The following CRTC1 variants were observed in gnomAD, a reference collection of about 807,000 sequenced individuals.
CRTC1 encodes CREB regulated transcription coactivator 1, also known as CREB-regulated transcription coactivator 1.
A neutral mutation model predicts 66.1 loss-of-function variants in CRTC1; 18 were observed. The observed-to-expected ratio is 0.27, with a 90% CI of 0.19 to 0.40. CRTC1 has a LOEUF of 0.40. Ranked by LOEUF, CRTC1 falls within the 10% of genes least tolerant of loss-of-function variation. CRTC1 has a pLI of 1.00. For missense variants in CRTC1, 669 were observed against 887.9 expected, an observed-to-expected ratio of 0.75 and a Z score of 3.13; for synonymous variants, 416 against 398.8, an observed-to-expected ratio of 1.04 and a Z score of -0.51.
intron 2 of CRTC1, among the ~76,000 whole-genome samples, chr19:18,744,487 CACAA>C (rs1014316295): frequency 6.1e-4 from 86 of 140,672 alleles, no homozygotes; most frequent in African/African-American, 1.1e-3. Context: ...TACACACACA[CACAA>C]ACACACACAC....
intron 11 of CRTC1, among the ~76,000 whole-genome samples, chr19:18,773,533 C>T (rs915614962): frequency 5.3e-5 from 8 of 152,210 alleles, no homozygotes; most frequent in African/African-American, 1.9e-4. Context: ...CCACCCCACA[C>T]CCCGAGCCCC....
chr19:18,697,072 G>C (rs1282939338), intron 1 of CRTC1, among the ~76,000 whole-genome samples: 2 of 152,110 alleles, frequency 1.3e-5, no homozygotes, highest in Non-Finnish European at 2.9e-5. Context: ...GTTCTTCTGG[G>C]TGTGGCTGTG....
intron 7 of CRTC1, among the ~76,000 whole-genome samples, 189 bp downstream of exon 7, chr19:18,759,780 C>A (rs112689601): frequency 6.6e-6 from 1 of 152,246 alleles, no homozygotes; most frequent in African/African-American, 2.4e-5. Flanking sequence ...ATGCCCTCTC[C>A]TGGGTTCAGG....
At chr19:18,709,324 G>A (rs932911545) in intron 1 of CRTC1, among the ~76,000 whole-genome samples, 3 of 152,080 alleles carry the variant, frequency 2.0e-5, no homozygotes, top group African/African-American at 7.2e-5. Flanking sequence ...TCCCCTCATG[G>A]TGCCTTTTTA....
rs572475067 is a variant in CRTC1 at position 18,776,822 on chromosome 19, GCCGAGCAGC to G, written c.1694-346_1694-338del. ...TCCAGCCTGCTTCTCAGTGACTCGT[GCCGAGCAGC>G]CCTCATGGCTGAGGGAGCCGGGGAG... On this transcript the variant is annotated intron_variant, in intron 13 of 13. Coordinates refer to ENST00000321949, the MANE Select transcript of CRTC1 (RefSeq NM_015321.3). Among the ~76,000 whole-genome samples, 37 of 152,354 alleles carry G rather than the reference GCCGAGCAGC, an allele frequency of 2.4e-4. No homozygotes were observed. The South Asian group carries it at 7.2e-3, about 30-fold the overall frequency.
At position 18,768,512 on chromosome 19, in the gene CRTC1, G is replaced by C; in HGVS notation, c.1039G>C (p.Glu347Gln). ...QAVAMDALSL[E>Q]QQLPYAFFTQ... ...TGTAGCCATGGACGCCCTGTCTCTG[G>C]AGCAGCAGCTGCCCTACGCCTTCTT... Residue 347 changes from glutamate to glutamine, a missense_variant, in exon 10 of 14, where the codon GAG (glutamate) becomes CAG (glutamine). Transcript: ENST00000321949. The surrounding 1 kb of genome is among the most constrained non-coding windows in gnomAD (Gnocchi z 5.6). 2.5e-6 allele frequency: 4 copies of C among 1,609,818 alleles called. No individual in the cohort carries two copies. In the East Asian group the frequency reaches 8.9e-5, roughly 36 times the overall value.
rs866112266 is a variant in CRTC1 at position 18,760,219 on chromosome 19, G to T, written c.877G>T (p.Ala293Ser). The T allele has an allele frequency of 3.8e-6, 6 of 1,599,964 alleles. No homozygotes were observed. Among genetic ancestry groups the T allele is most frequent in the Non-Finnish European group, 5.1e-6 (6 of 1,174,234 alleles). ...CCTGACGCACCTGGGCATCGGTGGC[G>T]CCGGCCAGGGTAAGGCAGGGACACT... is the stretch of plus-strand genomic sequence containing the variant. ...ANLTHLGIGGAGQGMSTPGSS... is the reference protein window; with the variant it reads ...ANLTHLGIGGSGQGMSTPGSS... The change falls in exon 8 of 14, where the codon GCC becomes TCC. Residue 293 changes from alanine to serine, a missense_variant. This residue lies in a region of CRTC1 where 241 missense variants were observed against 242.2 expected (regional missense o/e 0.99). Coordinates refer to ENST00000321949, the MANE Select transcript of CRTC1 (RefSeq NM_015321.3). This position sits in a 1 kb window ranked among gnomAD's most constrained non-coding sequence, Gnocchi z 6.2.
intron 1 of CRTC1, among the ~76,000 whole-genome samples, chr19:18,739,576 T>C (rs112219063): frequency 0.023 from 3,530 of 152,298 alleles, 168 homozygotes; most frequent in African/African-American, 0.081. Flanking sequence ...CAGCGGGTCC[T>C]GGGCTGGCTG....
chr19:18,692,207 A>G (rs1600750607), intron 1 of CRTC1, among the ~76,000 whole-genome samples: 1 of 151,750 alleles, frequency 6.6e-6, no homozygotes, highest in Non-Finnish European at 1.5e-5. Flanking sequence ...CTCGGTGGTA[A>G]CCCCACACAA....
chr19:18,702,845 T>A (rs1232288794), intron 1 of CRTC1, among the ~76,000 whole-genome samples: 1 of 152,156 alleles, frequency 6.6e-6, no homozygotes, highest in Non-Finnish European at 1.5e-5. Context: ...TGAAAAGTTT[T>A]GGAGATAGTG....
chr19:18,687,266 C>T (rs772804485), intron 1 of CRTC1, among the ~76,000 whole-genome samples: 2 of 152,074 alleles, frequency 1.3e-5, no homozygotes, highest in African/African-American at 2.4e-5. Context: ...TCAGGTGATC[C>T]GGCCACCTCG....
At chr19:18,707,669 A>T (rs768752684) in intron 1 of CRTC1, among the ~76,000 whole-genome samples, 2 of 152,130 alleles carry the variant, frequency 1.3e-5, no homozygotes, top group African/African-American at 2.4e-5. Context: ...CATTGAATCT[A>T]GACTGTTTTG....
chr19:18,780,983 G>A lies in CRTC1; in HGVS notation c.*3601G>A, dbSNP rs965696035. On this transcript the variant is annotated 3_prime_UTR_variant, in exon 14 of 14. Transcript: ENST00000321949. The stretch of plus-strand genomic sequence containing the variant: ...TTTCTGTATTTCCAAGGAGCCCTCC[G>A]ACCAGGGAGAGGCTGGTGGAGTAAG... The A allele has an allele frequency of 1.8e-5, 4 of 224,272 alleles. No homozygotes were observed. Among genetic ancestry groups the A allele is most frequent in the Admixed American group, 5.7e-5 (1 of 17,480 alleles). The allele number at this position is 224,272 out of a possible 1,614,324, so 13.9% of individuals were successfully genotyped here.
At chr19:18,774,785 C>T (rs1215274263) in intron 11 of CRTC1, 115 bp from the exon 12 acceptor site, 12 of 919,578 alleles carry the variant, frequency 1.3e-5, no homozygotes, top group Non-Finnish European at 1.7e-5. Flanking sequence ...CATCATCAGC[C>T]TCCTGCCGTC....
At chr19:18,718,352 C>G (rs1393200921) in intron 1 of CRTC1, among the ~76,000 whole-genome samples, 1 of 152,026 alleles carries the variant, frequency 6.6e-6, no homozygotes, top group African/African-American at 2.4e-5. Context: ...TGTTGTTCCT[C>G]TTGAGACAGG....
intron 1 of CRTC1, among the ~76,000 whole-genome samples, chr19:18,717,201 A>C (rs909174646): frequency 8.6e-5 from 13 of 151,666 alleles, no homozygotes; most frequent in Admixed American, 4.6e-4. Context: ...GTGAGGGGTG[A>C]TGGTGGCACT....
chr19:18,749,747 T>G, intron 4 of CRTC1, 34 bp from the exon 5 acceptor site: 8 of 1,561,286 alleles, frequency 5.1e-6, no homozygotes, highest in Non-Finnish European at 7.1e-6. Flanking sequence ...TGCCTTGGGC[T>G]GAGGCTCATT....
intron 1 of CRTC1, among the ~76,000 whole-genome samples, chr19:18,686,936 A>G (rs2145448313): frequency 6.6e-6 from 1 of 151,392 alleles, no homozygotes; most frequent in Non-Finnish European, 1.5e-5. Flanking sequence ...CCAACCCCCT[A>G]CATGTAGTGC....
rs1358281372 is a variant in CRTC1 at position 18,781,602 on chromosome 19, G to A, written c.*4220G>A. 2 of 229,574 alleles carry A rather than the reference G, an allele frequency of 8.7e-6. No homozygotes were observed. Among genetic ancestry groups the A allele is most frequent in the Non-Finnish European group, 1.7e-5 (2 of 115,810 alleles). The allele number at this position is 229,574 out of a possible 1,614,324, so 14.2% of individuals were successfully genotyped here. A position where few individuals can be genotyped will look rare whatever the true frequency, so the allele number is the denominator to read the frequency against. Reference sequence around the variant, plus strand: ...TGGAGTAAGTTGTACCCCCAGGCCTGGGTGCTGGGGAGTTCCTGAGGGCAT... The same window carrying A: ...TGGAGTAAGTTGTACCCCCAGGCCTAGGTGCTGGGGAGTTCCTGAGGGCAT... On this transcript the variant is annotated 3_prime_UTR_variant, in exon 14 of 14. Transcript: ENST00000321949.
Sources: gnomAD v4.1 joint callset for allele counts (sites outside exome capture counted in the v4.1 genomes callset) on GRCh38, gnomAD v4.1.1 for gene constraint, gnomAD v4.1.1 regional missense constraint, Gnocchi (gnomAD v3.1) non-coding constraint, MANE v1.5 for transcripts, NCBI Gene and HGNC (gene_info 2026-07-23, HGNC 2026-07-21) for gene names.